The following TMEM8B variants were observed in gnomAD, a reference collection of about 807,000 sequenced individuals.
The protein encoded by TMEM8B is nasopharyngeal carcinoma expressed 6.
Under a neutral mutation model 49.3 loss-of-function variants are expected in TMEM8B, and 29 were observed. That is an observed-to-expected ratio of 0.59 (90% CI 0.44 to 0.80). The LOEUF is 0.80. TMEM8B is among the 30% of genes least tolerant of loss of function. The pLI is 0.00. For synonymous variants in TMEM8B, 264 were observed against 272.8 expected, an observed-to-expected ratio of 0.97 and a Z score of 0.32; for missense variants, 575 against 658.5, an observed-to-expected ratio of 0.87 and a Z score of 1.39.
chr9:35,853,795 C>T lies in TMEM8B; in HGVS notation c.2730C>T (p.Leu910=), dbSNP rs201532249. Residue 910 remains leucine (L), a synonymous_variant, in exon 13 of 13, where the codon CTC becomes CTT. Transcript: ENST00000643932. The surrounding 1 kb of genome is among the most constrained non-coding windows in gnomAD (Gnocchi z 4.2). ...LCINEQEELG[L]VGPGGATVSS... is the part of the protein sequence containing the mutation. ...TCAACGAGCAGGAGGAGCTGGGCCT[C>T]GTGGGCCCAGGAGGGGCCACTGTCA... 9.4e-5 allele frequency: 149 copies of T among 1,579,542 alleles called. 1 individual carries two copies. In the African/African-American group the frequency reaches 1.4e-3, roughly 15 times the overall value.
At position 35,846,325 on chromosome 9, in the gene TMEM8B, C is replaced by T. The variant is rs1042118370; in HGVS notation, c.1797C>T (p.Phe599=). 57 of 1,614,100 alleles carry T rather than the reference C, an allele frequency of 3.5e-5. No homozygotes were observed. Among genetic ancestry groups the T allele is most frequent in the Non-Finnish European group, 4.7e-5 (55 of 1,180,058 alleles). The stretch of plus-strand genomic sequence containing the variant: ...GGGTTGCCAGGCTGCGAATCCCATT[C>T]CCGCAGACGGGGACCTGGTTCCTGG... ...TTRVARLRIP[F]PQTGTWFLAL... Residue 599 remains phenylalanine, a synonymous_variant, in exon 8 of 13, where the codon TTC becomes TTT. Transcript: ENST00000643932.
chr9:35,848,478 G>C (rs1325803798), intron 10 of TMEM8B, among the ~76,000 whole-genome samples: 3 of 152,098 alleles, frequency 2.0e-5, no homozygotes, highest in African/African-American at 7.2e-5. Flanking sequence ...GAAGCATGTA[G>C]GGAGAGCATA....
rs1184435491 is a variant in TMEM8B, at chr9:35,841,291, T to G, written c.1040+24T>G. The G allele has an allele frequency of 2.4e-6, 1 of 416,216 alleles. No individual in the cohort carries two copies. The highest frequency in any genetic ancestry group is 2.1e-5 in the African/African-American group (1 of 48,668). The allele number at this position is 416,216 out of a possible 1,614,324, so 25.8% of individuals were successfully genotyped here. On this transcript the variant is annotated intron_variant, in intron 4 of 12. Transcript: ENST00000643932. This position sits in a 1 kb window ranked among gnomAD's most constrained non-coding sequence, Gnocchi z 5.9. ...AAGTAAGTCAAAGACTCCCCACACC[T>G]GGTCCTTTCCCTCTTCTGTGGCCTC...
chr9:35,841,894 C>T lies in TMEM8B; in HGVS notation c.1309+100C>T. The T allele has an allele frequency of 2.4e-6, 1 of 412,670 alleles. No homozygotes were observed. The highest frequency in any genetic ancestry group is 4.4e-6 in the Non-Finnish European group (1 of 226,150). 25.6% of individuals were successfully genotyped at this position (412,670 alleles called of 1,614,324 possible). ...TGGCCCTCTGCCATATCCCTACAAC[C>T]TCCCCTCCCCATCCCAAGCTCCTTC... On this transcript the variant is annotated intron_variant, in intron 5 of 12. Transcript: ENST00000643932. The surrounding 1 kb of genome is among the most constrained non-coding windows in gnomAD (Gnocchi z 5.9).
rs943852405 is a variant in TMEM8B, at chr9:35,829,425, C to T, written c.-23C>T. 5 of 347,252 alleles carry T rather than the reference C, an allele frequency of 1.4e-5. No homozygotes were observed. The highest frequency in any genetic ancestry group is 4.8e-5 in the Admixed American group (1 of 20,906). 21.5% of individuals were successfully genotyped at this position (347,252 alleles called of 1,614,324 possible). On this transcript the variant is annotated 5_prime_UTR_variant, in exon 1 of 13. Transcript: ENST00000643932. ...TGCGAGCGCCCCGCGCTGGCCTGTCCGGCCCCGCCCCCGCCCCGGGCCATG... is the reference window on the plus strand; with the variant it reads ...TGCGAGCGCCCCGCGCTGGCCTGTCTGGCCCCGCCCCCGCCCCGGGCCATG...
chr9:35,862,064 G>A lies in TMEM8B; in HGVS notation c.*8224G>A, dbSNP rs905626455. 1 of 152,172 alleles carries A rather than the reference G, an allele frequency of 6.6e-6. No individual in the cohort carries two copies. The highest frequency in any genetic ancestry group is 1.5e-5 in the Non-Finnish European group (1 of 68,012). The allele number at this position is 152,172 out of a possible 1,614,324, so 9.4% of individuals were successfully genotyped here. A position where few individuals can be genotyped will look rare whatever the true frequency, so the allele number is the denominator to read the frequency against. ...TTTTCTTGGTGATGTTTGGCAAAAA[G>A]TAAAGAATTCCCCAAGTGTGAAGCC... On this transcript the variant is annotated 3_prime_UTR_variant, in exon 13 of 13. Transcript: ENST00000643932.
rs1488405822 is a variant in TMEM8B at position 35,853,469 on chromosome 9, T to G, written c.2440-36T>G. On this transcript the variant is annotated intron_variant, in intron 12 of 12. Coordinates refer to ENST00000643932, the MANE Select transcript of TMEM8B (RefSeq NM_001042590.4). The surrounding 1 kb of genome is among the most constrained non-coding windows in gnomAD (Gnocchi z 4.2). Reference sequence around the variant, plus strand: ...CAGCTCTGGCTTGGGTTCCAGGGCTTGGCATTCCTGAGCCCCACTTCTCTG... The same window carrying G: ...CAGCTCTGGCTTGGGTTCCAGGGCTGGGCATTCCTGAGCCCCACTTCTCTG... The G allele has an allele frequency of 6.3e-7, 1 of 1,587,416 alleles. No individual in the cohort carries two copies. Among genetic ancestry groups the G allele is most frequent in the South Asian group, 1.1e-5 (1 of 87,814 alleles).
chr9:35,862,302 A>G lies in TMEM8B; in HGVS notation c.*8462A>G, dbSNP rs1832667034. On this transcript the variant is annotated 3_prime_UTR_variant, in exon 13 of 13. Transcript: ENST00000643932. ...TTCTCTCTGAGTCTGGGATGTAAAG[A>G]CAAAGTAAAACCTGAAATCTGGAAA... The G allele has an allele frequency of 6.6e-6, 1 of 152,230 alleles. No homozygotes were observed. Among genetic ancestry groups the G allele is most frequent in the South Asian group, 2.1e-4 (1 of 4,824 alleles). 9.4% of individuals were successfully genotyped at this position (152,230 alleles called of 1,614,324 possible). A position where few individuals can be genotyped will look rare whatever the true frequency, so the allele number is the denominator to read the frequency against.
chr9:35,835,360 G>T, intron 3 of TMEM8B, 142 bp downstream of exon 3: 1 of 400,106 alleles, frequency 2.5e-6, no homozygotes, highest in Non-Finnish European at 4.4e-6. Flanking sequence ...CATGGCTAAA[G>T]GCCAGCAGGT....
chr9:35,853,105 C>G lies in TMEM8B; in HGVS notation c.2323-36C>G, dbSNP rs550827368. 1.2e-6 allele frequency: 2 copies of G among 1,609,916 alleles called. No individual in the cohort carries two copies. The highest frequency in any genetic ancestry group is 1.1e-5 in the South Asian group (1 of 90,946). ...CAGGCCCTGGAGTGCTGTCTGTCAC[C>G]TGGCCCTAGCCCAGCCCTTGAGTCT... On this transcript the variant is annotated intron_variant, in intron 11 of 12. Coordinates refer to ENST00000643932, the MANE Select transcript of TMEM8B (RefSeq NM_001042590.4). This position sits in a 1 kb window ranked among gnomAD's most constrained non-coding sequence, Gnocchi z 4.2.
intron 6 of TMEM8B, among the ~76,000 whole-genome samples, chr9:35,844,468 C>G (rs1336731735): frequency 6.6e-6 from 1 of 152,246 alleles, no homozygotes; most frequent in Non-Finnish European, 1.5e-5. Flanking sequence ...ATCAGCCAAC[C>G]TGAGGCCTGG....
intron 3 of TMEM8B, among the ~76,000 whole-genome samples, chr9:35,838,846 G>C (rs2093400): frequency 0.64 from 97,802 of 152,076 alleles, 32,663 homozygotes; most frequent in Middle Eastern, 0.77. Context: ...TTCCTCACAA[G>C]CAATCGTAAA....
At position 35,853,163 on chromosome 9, in the gene TMEM8B, T is replaced by C; in HGVS notation, c.2345T>C (p.Met782Thr). 1 of 1,614,170 alleles carries C rather than the reference T, an allele frequency of 6.2e-7. No individual in the cohort carries two copies. Among genetic ancestry groups the C allele is most frequent in the Non-Finnish European group, 8.5e-7 (1 of 1,179,980 alleles). ...VKQVLYLLGA[M>T]LLSMALQLDR... ...TAGGTGCTGTATTTGCTGGGAGCTA[T>C]GCTGCTGTCCATGGCTCTGCAGCTT... The change falls in exon 12 of 13, where the codon ATG (methionine) becomes ACG (threonine). Residue 782 changes from methionine to threonine, a missense_variant. By Grantham distance (81) the Met-to-Thr change is moderately conservative. Transcript: ENST00000643932. The surrounding 1 kb of genome is among the most constrained non-coding windows in gnomAD (Gnocchi z 4.2).
chr9:35,840,109 G>T (rs1830825756), intron 3 of TMEM8B, among the ~76,000 whole-genome samples: 1 of 152,212 alleles, frequency 6.6e-6, no homozygotes, highest in Admixed American at 6.5e-5. Flanking sequence ...AGCTGCACGT[G>T]CTGCAGAAGA....
chr9:35,833,810 A>G (rs1452449483), intron 1 of TMEM8B, among the ~76,000 whole-genome samples: 3 of 152,234 alleles, frequency 2.0e-5, no homozygotes, highest in South Asian at 2.1e-4. Flanking sequence ...CCACCCAAGC[A>G]GGCCCCTGGC....
intron 6 of TMEM8B, chr9:35,845,276 A>C (rs1422764816): frequency 2.0e-6 from 1 of 490,194 alleles, no homozygotes; most frequent in African/African-American, 2.1e-5. Flanking sequence ...TATATGGCCT[A>C]CCTTAGGGAC....
Position 35,841,055 on chromosome 9 carries a change from C to G in TMEM8B, c.907-79C>G, listed in dbSNP as rs1382762837. 7.3e-6 allele frequency: 3 copies of G among 412,800 alleles called. No individual in the cohort carries two copies. Among genetic ancestry groups the G allele is most frequent in the Non-Finnish European group, 1.3e-5 (3 of 226,162 alleles). 25.6% of individuals were successfully genotyped at this position (412,800 alleles called of 1,614,324 possible). A position where few individuals can be genotyped will look rare whatever the true frequency, so the allele number is the denominator to read the frequency against. On this transcript the variant is annotated intron_variant, in intron 3 of 12. Coordinates refer to ENST00000643932, the MANE Select transcript of TMEM8B (RefSeq NM_001042590.4). The surrounding 1 kb of genome is among the most constrained non-coding windows in gnomAD (Gnocchi z 5.9). ...GGGGCGGGGGTTTCTCCCCAGCCCG[C>G]CCAGCAGGTTCTGTTTGCCTTGGTT...
Position 35,829,732 on chromosome 9 carries a change from C to A in TMEM8B, c.285C>A (p.Phe95Leu). ...RPLLQSPSQP[F>L]LPSHSLPLFK... is the part of the protein sequence containing the mutation. ...TGCTGCAGTCCCCATCACAGCCCTT[C>A]CTTCCATCCCACTCCCTGCCCTTGT... is the stretch of plus-strand genomic sequence containing the variant. Residue 95 changes from phenylalanine to leucine, a missense_variant, in exon 1 of 13, where the codon TTC becomes TTA. By Grantham distance (22) the Phe-to-Leu change is conservative (BLOSUM62 0). Coordinates refer to ENST00000643932, the MANE Select transcript of TMEM8B (RefSeq NM_001042590.4). 2.4e-6 allele frequency: 1 copy of A among 410,522 alleles called. No homozygotes were observed. The highest frequency in any genetic ancestry group is 4.4e-6 in the Non-Finnish European group (1 of 227,672). 25.4% of individuals were successfully genotyped at this position (410,522 alleles called of 1,614,324 possible).
At chr9:35,844,852 C>T (rs1167560312) in intron 6 of TMEM8B, among the ~76,000 whole-genome samples, 3 of 152,234 alleles carry the variant, frequency 2.0e-5, no homozygotes, top group Admixed American at 1.3e-4. Context: ...CATTCTATGA[C>T]GCGTGCTAAG....
Sources: allele counts gnomAD v4.1 joint callset (sites outside exome capture counted in the v4.1 genomes callset), GRCh38; gene constraint gnomAD v4.1.1; non-coding constraint Gnocchi (gnomAD v3.1); transcripts MANE v1.5; gene names NCBI Gene and HGNC (gene_info 2026-07-23, HGNC 2026-07-21).